The following COL4A1 variants were observed in gnomAD, a reference collection of about 807,000 sequenced individuals.
COL4A1 encodes collagen type IV alpha 1 chain.
COL4A1 carries 40 observed loss-of-function variants against 216.6 expected under a neutral mutation model. The observed-to-expected ratio is 0.18, with a 90% CI of 0.14 to 0.24. The LOEUF (loss-of-function observed/expected upper bound fraction) is 0.24, where lower values mean the gene tolerates loss of function less well. Among genes scored for constraint, COL4A1 ranks in the 10% least tolerant of loss-of-function variants. The pLI, the probability that COL4A1 is intolerant of heterozygous loss-of-function variation, is 1.00. For synonymous variants in COL4A1, 839 were observed against 810.7 expected (o/e 1.03, Z -0.59); for missense variants, 1,628 against 2,196.8 (o/e 0.74, Z 5.18).
chr13:110,224,434 C>T (rs1442300613), intron 2 of COL4A1, among the ~76,000 whole-genome samples: 3 of 152,124 alleles, frequency 2.0e-5, no homozygotes, highest in Admixed American at 6.5e-5. Context: ...GCGATTCTTG[C>T]GCCTTGGCCT....
chr13:110,253,279 ATAT>A, intron 1 of COL4A1, among the ~76,000 whole-genome samples: 1 of 126,726 alleles, frequency 7.9e-6, no homozygotes, highest in Non-Finnish European at 1.6e-5. Flanking sequence ...ACATATAATT[ATAT>A]GTATTACATA....
At chr13:110,203,991 T>G (rs528442801) in intron 17 of COL4A1, among the ~76,000 whole-genome samples, 7 of 152,340 alleles carry the variant, frequency 4.6e-5, no homozygotes, top group African/African-American at 1.7e-4. Flanking sequence ...AAAAGCATGA[T>G]TTCCAAATAC....
rs762644478 is a variant in COL4A1 at position 110,207,494 on chromosome 13, C to A, written c.694-5G>T. ...CCCACTGACCCCTTGGTCACCCTGT[C>A]GACATAAAAATGTAAAATTAATTAG... On this transcript the variant is annotated splice_polypyrimidine_tract_variant and splice_region_variant and intron_variant, in intron 12 of 51. Coordinates refer to ENST00000375820, the MANE Select transcript of COL4A1 (RefSeq NM_001845.6). The surrounding 1 kb of genome is among the most constrained non-coding windows in gnomAD (Gnocchi z 4.4). 6.2e-7 allele frequency: 1 copy of A among 1,612,790 alleles called. No homozygotes were observed. Among genetic ancestry groups the A allele is most frequent in the Non-Finnish European group, 8.5e-7 (1 of 1,179,214 alleles).
At chr13:110,222,436 T>G (rs1880530664) in intron 2 of COL4A1, among the ~76,000 whole-genome samples, 1 of 152,096 alleles carries the variant, frequency 6.6e-6, no homozygotes, top group Admixed American at 6.5e-5. Flanking sequence ...ACTATACATT[T>G]TCCCCCAAAT....
At position 110,175,315 on chromosome 13, in the gene COL4A1, T is replaced by A; in HGVS notation, c.3101A>T (p.Gln1034Leu). The change falls in exon 37 of 52, where the codon CAA (glutamine) becomes CTA (leucine). Residue 1034 changes from glutamine (Q) to leucine (L), a missense_variant. Coordinates refer to ENST00000375820, the MANE Select transcript of COL4A1 (RefSeq NM_001845.6). ...EKGVPGIPGP[Q>L]GSPGLPGDKG... The stretch of plus-strand genomic sequence containing the variant: ...GTCTCCAGGTAAGCCAGGTGAACCT[T>A]GTGGGCCAGGGATGCCAGGCACACC... 1 of 1,614,216 alleles carries A rather than the reference T, an allele frequency of 6.2e-7. No individual in the cohort carries two copies. Among genetic ancestry groups the A allele is most frequent in the Non-Finnish European group, 8.5e-7 (1 of 1,180,054 alleles).
chr13:110,307,127 TC>T lies in COL4A1; in HGVS notation c.-101del, dbSNP rs891365104. On this transcript the variant is annotated 5_prime_UTR_variant, in exon 1 of 52. Coordinates refer to ENST00000375820, the MANE Select transcript of COL4A1 (RefSeq NM_001845.6). This position sits in a 1 kb window ranked among gnomAD's most constrained non-coding sequence, Gnocchi z 5.0. ...GCCGGACTTCCAGCGCTACGCACCG[TC>T]CCGGGTGCGGCGGCTCCAAGCGGAG... 3.8e-5 allele frequency: 36 copies of T among 959,848 alleles called. No individual in the cohort carries two copies. The highest frequency in any genetic ancestry group is 5.1e-5 in the Non-Finnish European group (36 of 705,584). The allele number at this position is 959,848 out of a possible 1,614,324, so 59.5% of individuals were successfully genotyped here. A position where few individuals can be genotyped will look rare whatever the true frequency, so the allele number is the denominator to read the frequency against.
At chr13:110,163,039 A>G (rs1380884654) in intron 47 of COL4A1, among the ~76,000 whole-genome samples, 2 of 152,216 alleles carry the variant, frequency 1.3e-5, no homozygotes, top group African/African-American at 4.8e-5. Flanking sequence ...AGCCTTTTGC[A>G]TCATAGCCTT....
intron 2 of COL4A1, among the ~76,000 whole-genome samples, chr13:110,227,425 C>A (rs1328852583): frequency 1.4e-5 from 2 of 142,388 alleles, no homozygotes; most frequent in Non-Finnish European, 3.0e-5. Context: ...CACACACACA[C>A]AAACACACAC....
At chr13:110,262,716 A>G (rs75684643) in intron 1 of COL4A1, among the ~76,000 whole-genome samples, 4,765 of 152,302 alleles carry the variant, frequency 0.031, 227 homozygotes, top group African/African-American at 0.11. Context: ...GGAAACACGC[A>G]TCTCCTGATT....
intron 46 of COL4A1, 84 bp from the exon 47 acceptor site, chr13:110,163,645 G>A: frequency 3.9e-6 from 5 of 1,289,510 alleles, no homozygotes; most frequent in Non-Finnish European, 5.5e-6. Flanking sequence ...CCTTTTCAGT[G>A]TTCAAGGAGC....
Position 110,164,976 on chromosome 13 carries a change from G to A in COL4A1, c.4036C>T (p.Pro1346Ser), listed in dbSNP as rs751011047. 7.5e-6 allele frequency: 12 copies of A among 1,604,498 alleles called. No individual in the cohort carries two copies. The highest frequency in any genetic ancestry group is 3.4e-5 in the South Asian group (3 of 88,944). ...VPGAKGLPGP[P>S]GPPGPYDIIK... ...ATGTCGTAAGGACCTGGGGGGCCAG[G>A]AGGACCCGGGAGACCTGTGGGAATA... Residue 1346 changes from proline (P) to serine (S), a missense_variant, in exon 46 of 52, where the codon CCT becomes TCT. By Grantham distance (74) the Pro-to-Ser change is moderately conservative. Transcript: ENST00000375820.
intron 20 of COL4A1, 90 bp downstream of exon 20, chr13:110,200,764 T>C (rs1594574617): frequency 5.2e-6 from 7 of 1,353,114 alleles, no homozygotes; most frequent in East Asian, 4.6e-5. Flanking sequence ...TGTGCAAATA[T>C]CTAACATTCG....
rs1555312352 is a variant in COL4A1 at position 110,255,575 on chromosome 13, G to GGCA, written c.85-12842_85-12841insTGC. Among the ~76,000 whole-genome samples the GGCA allele has an allele frequency of 6.4e-3, 155 of 24,302 alleles. 8 individuals are homozygous for GGCA. The highest frequency in any genetic ancestry group is 8.6e-3 in the Non-Finnish European group (91 of 10,590). The allele number at this position is 24,302 out of a possible 152,430, so 15.9% of individuals were successfully genotyped here. A position where few individuals can be genotyped will look rare whatever the true frequency, so the allele number is the denominator to read the frequency against. On this transcript the variant is annotated intron_variant, in intron 1 of 51. Transcript: ENST00000375820. ...GGAAGGGGGCAGGCAGGAAGGGAGG[G>GGCA]GGCAGGCAGGCAGGAAGGGAAGGGG...
At chr13:110,161,591 C>T (rs181842712) in intron 48 of COL4A1, among the ~76,000 whole-genome samples, 14 of 152,374 alleles carry the variant, frequency 9.2e-5, no homozygotes, top group Non-Finnish European at 1.0e-4. Context: ...CTAGAAGGAA[C>T]TTAACACATG....
At chr13:110,294,682 T>C (rs543346195) in intron 1 of COL4A1, among the ~76,000 whole-genome samples, 1 of 152,358 alleles carries the variant, frequency 6.6e-6, no homozygotes, top group African/African-American at 2.4e-5. Context: ...TTACAACTAT[T>C]TTAACAAAGT....
intron 21 of COL4A1, among the ~76,000 whole-genome samples, chr13:110,198,080 TG>T (rs1878989774): frequency 8.0e-6 from 1 of 125,544 alleles, no homozygotes; most frequent in South Asian, 2.3e-4. Context: ...GTTTCTGGGG[TG>T]TGTGTGTGTG....
intron 2 of COL4A1, among the ~76,000 whole-genome samples, chr13:110,217,958 T>C (rs1195284529): frequency 6.6e-6 from 1 of 152,228 alleles, no homozygotes; most frequent in Non-Finnish European, 1.5e-5. Flanking sequence ...AGTCATTTTA[T>C]AATACCCAAT....
intron 1 of COL4A1, among the ~76,000 whole-genome samples, chr13:110,294,049 C>T (rs1035491291): frequency 6.6e-6 from 1 of 152,172 alleles, no homozygotes; most frequent in Non-Finnish European, 1.5e-5. Flanking sequence ...CTCAAGTGCT[C>T]ATTGTGACCA....
At chr13:110,302,007 G>A (rs1212057516) in intron 1 of COL4A1, among the ~76,000 whole-genome samples, 2 of 152,176 alleles carry the variant, frequency 1.3e-5, no homozygotes, top group Non-Finnish European at 2.9e-5. Context: ...TGGAGAGCAC[G>A]AGAGCTGGGA....
Sources: gnomAD v4.1 joint callset for allele counts (sites outside exome capture counted in the v4.1 genomes callset) on GRCh38, gnomAD v4.1.1 for gene constraint, Gnocchi (gnomAD v3.1) non-coding constraint, MANE v1.5 for transcripts, NCBI Gene and HGNC (gene_info 2026-07-23, HGNC 2026-07-21) for gene names.